The following MYO1B variants were observed in gnomAD, a reference collection of about 807,000 sequenced individuals.
MYO1B encodes the protein unconventional myosin-Ib.
In MYO1B, 72 loss-of-function variants were observed where a neutral mutation model predicts 159.7. That is an observed-to-expected ratio of 0.45 (90% confidence interval 0.37 to 0.55). The LOEUF (loss-of-function observed/expected upper bound fraction) is 0.55, where lower values mean the gene tolerates loss of function less well. MYO1B is among the 20% of genes least tolerant of loss of function. The pLI is 0.00. For synonymous variants in MYO1B, 468 were observed against 473.8 expected (o/e 0.99, Z 0.16); for missense variants, 1,062 against 1,364.8 (o/e 0.78, Z 3.50).
At position 191,329,983 on chromosome 2, in the gene MYO1B, G is replaced by C. The variant is rs759692138; in HGVS notation, c.300G>C (p.Lys100Asn). 1.9e-6 allele frequency: 3 copies of C among 1,612,614 alleles called. No individual in the cohort carries two copies. Among genetic ancestry groups the C allele is most frequent in the South Asian group, 2.2e-5 (2 of 90,970 alleles). ...EAYRSLRDQDKDQCILITGES... is the reference protein window; with the variant it reads ...EAYRSLRDQDNDQCILITGES... The stretch of plus-strand genomic sequence containing the variant: ...ACAGATCCCTACGAGATCAAGATAA[G>C]GACCAATGTATTCTCATTACTGGGG... Residue 100 changes from lysine (K) to asparagine (N), a missense_variant, in exon 4 of 31, where the codon AAG becomes AAC. Lys to Asn is a moderately conservative substitution (Grantham distance 94). This residue lies in a region of MYO1B where 415 missense variants were observed against 544.0 expected (regional missense o/e 0.76). Coordinates refer to ENST00000392318, the MANE Select transcript of MYO1B (RefSeq NM_001130158.3).
intron 13 of MYO1B, among the ~76,000 whole-genome samples, chr2:191,372,871 T>C (rs1375060905): frequency 6.7e-6 from 1 of 149,476 alleles, no homozygotes; most frequent in Non-Finnish European, 1.5e-5. Context: ...ATGCCTGCGT[T>C]ATATTTCCTT....
intron 7 of MYO1B, among the ~76,000 whole-genome samples, chr2:191,352,597 A>G (rs191809899): frequency 5.3e-5 from 8 of 152,328 alleles, no homozygotes; most frequent in African/African-American, 9.6e-5. Context: ...ATTAAGATTA[A>G]TATATCTTCA....
chr2:191,409,570 GTTTAC>G (rs1266606343), intron 26 of MYO1B, among the ~76,000 whole-genome samples: 5 of 152,196 alleles, frequency 3.3e-5, no homozygotes, highest in Non-Finnish European at 5.9e-5. Flanking sequence ...AAATTGAAGA[GTTTAC>G]TTTATCAGAT....
At chr2:191,326,937 A>G (rs1008174535) in intron 3 of MYO1B, among the ~76,000 whole-genome samples, 3 of 152,200 alleles carry the variant, frequency 2.0e-5, no homozygotes, top group African/African-American at 7.2e-5. Context: ...TCAACAATAC[A>G]TGAAGAATTC....
chr2:191,273,590 T>C (rs1687585491), intron 1 of MYO1B, among the ~76,000 whole-genome samples: 1 of 152,152 alleles, frequency 6.6e-6, no homozygotes, highest in South Asian at 2.1e-4. Flanking sequence ...AGCCACAGTC[T>C]CAAGCTCAGT....
chr2:191,410,316 A>G (rs528772447), intron 26 of MYO1B, among the ~76,000 whole-genome samples: 15 of 152,244 alleles, frequency 9.9e-5, no homozygotes, highest in Admixed American at 4.6e-4. Context: ...GTCAGCAGCA[A>G]TGCTCACACT....
rs1242125358 is a variant in MYO1B, at chr2:191,387,209, A to G, written c.1555-15A>G. Reference sequence around the variant, plus strand: ...TGCAATGTGCCTGTCATTGAGTTACATGTGCTGCTTATAGGTGCTGTACCA... The same window carrying G: ...TGCAATGTGCCTGTCATTGAGTTACGTGTGCTGCTTATAGGTGCTGTACCA... On this transcript the variant is annotated splice_polypyrimidine_tract_variant and intron_variant, in intron 16 of 30. Transcript: ENST00000392318. 2 of 1,606,692 alleles carry G rather than the reference A, an allele frequency of 1.2e-6. No homozygotes were observed. Among genetic ancestry groups the G allele is most frequent in the East Asian group, 2.2e-5 (1 of 44,710 alleles).
At chr2:191,296,072 G>A in intron 2 of MYO1B, 39 bp from the exon 3 acceptor site, 3 of 1,207,464 alleles carry the variant, frequency 2.5e-6, no homozygotes, top group Non-Finnish European at 3.5e-6. Context: ...TACATTTTGT[G>A]TACTAACTAA....
chr2:191,304,432 T>C (rs1689521053), intron 3 of MYO1B, among the ~76,000 whole-genome samples: 1 of 152,102 alleles, frequency 6.6e-6, no homozygotes, highest in Non-Finnish European at 1.5e-5. Flanking sequence ...TAGCCTGGCG[T>C]AGTGGTGCAT....
At chr2:191,317,848 G>T (rs1032064129) in intron 3 of MYO1B, among the ~76,000 whole-genome samples, 9 of 152,222 alleles carry the variant, frequency 5.9e-5, no homozygotes, top group African/African-American at 2.2e-4. Flanking sequence ...GCATATGAAT[G>T]TGCACTTATA....
At chr2:191,339,202 G>A (rs1692051550) in intron 4 of MYO1B, among the ~76,000 whole-genome samples, 1 of 152,138 alleles carries the variant, frequency 6.6e-6, no homozygotes, top group African/African-American at 2.4e-5. Flanking sequence ...TGCTAGGAGG[G>A]CAGCCTCACC....
chr2:191,389,404 A>T (rs1695604307), intron 17 of MYO1B, among the ~76,000 whole-genome samples: 1 of 152,236 alleles, frequency 6.6e-6, no homozygotes, highest in Admixed American at 6.5e-5. Context: ...TCTAAGTATG[A>T]GGACTCCAGA....
At chr2:191,324,124 A>T (rs771487919) in intron 3 of MYO1B, among the ~76,000 whole-genome samples, 1 of 152,112 alleles carries the variant, frequency 6.6e-6, no homozygotes, top group African/African-American at 2.4e-5. Flanking sequence ...CTTTCAACCT[A>T]TCTATGATTT....
chr2:191,356,007 G>T (rs924453450), intron 7 of MYO1B, among the ~76,000 whole-genome samples: 1 of 152,106 alleles, frequency 6.6e-6, no homozygotes, highest in Non-Finnish European at 1.5e-5. Context: ...ATGCCATTTT[G>T]TATGGAACGT....
At chr2:191,326,770 A>ATATGTGTGTGTG (rs1175505917) in intron 3 of MYO1B, among the ~76,000 whole-genome samples, 3 of 137,058 alleles carry the variant, frequency 2.2e-5, no homozygotes, top group African/African-American at 8.2e-5. Context: ...GTTTGTATAT[A>ATATGTGTGTGTG]TGTGTGTGTG....
chr2:191,258,362 A>T (rs1157516141), intron 1 of MYO1B, among the ~76,000 whole-genome samples: 1 of 152,256 alleles, frequency 6.6e-6, no homozygotes, highest in Non-Finnish European at 1.5e-5. Flanking sequence ...GGCACTTATG[A>T]ATAGAGCTTG....
chr2:191,398,287 C>A (rs564240418), intron 21 of MYO1B, among the ~76,000 whole-genome samples: 2 of 103,172 alleles, frequency 1.9e-5, no homozygotes, highest in East Asian at 5.2e-4. Context: ...GCTGGCCGGG[C>A]GGGGGGCTGA....
chr2:191,393,145 G>C lies in MYO1B; in HGVS notation c.2149G>C (p.Gly717Arg). The C allele has an allele frequency of 6.2e-7, 1 of 1,613,928 alleles. No homozygotes were observed. Among genetic ancestry groups the C allele is most frequent in the Non-Finnish European group, 8.5e-7 (1 of 1,179,954 alleles). The change falls in exon 20 of 31, where the codon GGG (glycine) becomes CGG (arginine). Residue 717 changes from glycine (G) to arginine (R), a missense_variant. Physicochemically the swap from Gly to Arg is moderately radical, Grantham distance 125 (BLOSUM62 -2). Transcript: ENST00000392318. ...CACTCTCATTCAGAAGATATATCGG[G>C]GGTGGAAATGCCGCACACACTTCCT... ...LATLIQKIYR[G>R]WKCRTHFLLM...
chr2:191,411,216 G>A (rs764042117), intron 27 of MYO1B, 44 bp downstream of exon 27: 2 of 1,295,550 alleles, frequency 1.5e-6, no homozygotes, highest in Admixed American at 4.5e-5. Context: ...GATTATAAAA[G>A]TTTCTCAAGT....
Sources: gnomAD v4.1 joint callset for allele counts (sites outside exome capture counted in the v4.1 genomes callset) on GRCh38, gnomAD v4.1.1 for gene constraint, gnomAD v4.1.1 regional missense constraint, MANE v1.5 for transcripts, NCBI Gene and HGNC (gene_info 2026-07-23, HGNC 2026-07-21) for gene names.